BIRC6: variants seen among roughly 807,000 people sequenced by gnomAD.
BIRC6 encodes baculoviral IAP repeat containing 6, also known as dual E2 ubiquitin-conjugating enzyme/E3 ubiquitin-protein ligase BIRC6.
A neutral mutation model predicts 503.3 loss-of-function variants in BIRC6; 98 were observed. That is an observed-to-expected ratio of 0.19 (90% CI 0.17 to 0.23). The LOEUF is 0.23. BIRC6 is among the 10% of genes least tolerant of loss of function. The pLI, the probability that BIRC6 is intolerant of heterozygous loss-of-function variation, is 1.00. For synonymous variants in BIRC6, 2,240 were observed against 2,078.7 expected, an observed-to-expected ratio of 1.08 and a Z score of -2.11; for missense variants, 5,360 against 5,806.0, an observed-to-expected ratio of 0.92 and a Z score of 2.50.
At chr2:32,588,027 C>T (rs1159697668) in intron 66 of BIRC6, among the ~76,000 whole-genome samples, 3 of 152,126 alleles carry the variant, frequency 2.0e-5, no homozygotes, top group Non-Finnish European at 2.9e-5. Context: ...AGTAGGTCAG[C>T]TTTAGCTGTC....
Position 32,468,090 on chromosome 2 carries a change from T to C in BIRC6, c.5759T>C (p.Leu1920Ser). Residue 1920 changes from leucine to serine, a missense_variant, in exon 28 of 74, where the codon TTG becomes TCG. This residue lies in a region of BIRC6 where 2,299 missense variants were observed against 2,267.2 expected (regional missense o/e 1.01). Coordinates refer to ENST00000421745, the MANE Select transcript of BIRC6 (RefSeq NM_016252.4). ...CAGCATTTAGCAATGATGGTTGCTT[T>C]GCAGGAGGATATACAGTGCAGGTTA... is the stretch of plus-strand genomic sequence containing the variant. ...IDQHLAMMVA[L>S]QEDIQCRYNL... The C allele has an allele frequency of 6.2e-7, 1 of 1,613,968 alleles. No homozygotes were observed. Among genetic ancestry groups the C allele is most frequent in the Non-Finnish European group, 8.5e-7 (1 of 1,179,864 alleles).
chr2:32,400,255 T>G, intron 6 of BIRC6, among the ~76,000 whole-genome samples: 1 of 151,998 alleles, frequency 6.6e-6, no homozygotes, highest in East Asian at 1.9e-4. Context: ...GATTTGATCC[T>G]ATAGTGAATA....
At chr2:32,568,114 AAAAC>A (rs944029486) in intron 65 of BIRC6, among the ~76,000 whole-genome samples, 31 of 152,278 alleles carry the variant, frequency 2.0e-4, no homozygotes, top group African/African-American at 6.3e-4. Context: ...TCCGTCTCAA[AAAAC>A]AAACAAACAA....
Position 32,514,932 on chromosome 2 carries a change from A to G in BIRC6, c.10569-58A>G, listed in dbSNP as rs563941871. ...CTTTGAACTATAACAGAAATATTTGAAATAGTTTCTTCTAAAAATATACTT... is the reference window on the plus strand; with the variant it reads ...CTTTGAACTATAACAGAAATATTTGGAATAGTTTCTTCTAAAAATATACTT... On this transcript the variant is annotated intron_variant, in intron 54 of 73. Coordinates refer to ENST00000421745, the MANE Select transcript of BIRC6 (RefSeq NM_016252.4). The G allele has an allele frequency of 2.3e-5, 31 of 1,328,202 alleles. No homozygotes were observed. In the Admixed American group the frequency reaches 2.9e-4, roughly 12 times the overall value. The allele number at this position is 1,328,202 out of a possible 1,614,324, so 82.3% of individuals were successfully genotyped here.
chr2:32,464,025 AAC>A (rs1168924091), intron 24 of BIRC6, among the ~76,000 whole-genome samples: 1 of 152,152 alleles, frequency 6.6e-6, no homozygotes, highest in African/African-American at 2.4e-5. Context: ...TCTGAGGTGG[AAC>A]AGTTTCATCC....
rs1469381045 is a variant in BIRC6, at chr2:32,394,522, G to A, written c.952-989G>A. ...ACTTGCCCTTCTTGTTCAGTTGTAT[G>A]TGATTGAGTATTTAATAATAAACCC... On this transcript the variant is annotated intron_variant, in intron 5 of 73. Transcript: ENST00000421745. Among the ~76,000 whole-genome samples, 4 of 151,996 alleles carry A rather than the reference G, an allele frequency of 2.6e-5. No individual in the cohort carries two copies. In the East Asian group the frequency reaches 7.7e-4, roughly 29 times the overall value.
chr2:32,482,022 G>A (rs1240603743), intron 38 of BIRC6, among the ~76,000 whole-genome samples: 3 of 152,148 alleles, frequency 2.0e-5, no homozygotes, highest in Non-Finnish European at 4.4e-5. Flanking sequence ...CTACATTTAA[G>A]TATACAGAAG....
At chr2:32,494,346 G>C (rs907402148) in intron 45 of BIRC6, among the ~76,000 whole-genome samples, 2 of 151,734 alleles carry the variant, frequency 1.3e-5, no homozygotes, top group African/African-American at 4.8e-5. Flanking sequence ...TCATGCCTCA[G>C]CCTCCCCAGT....
Position 32,377,643 on chromosome 2 carries a change from A to G in BIRC6, c.381A>G (p.Ile127Met). 3 of 1,613,492 alleles carry G rather than the reference A, an allele frequency of 1.9e-6. No homozygotes were observed. The highest frequency in any genetic ancestry group is 2.5e-6 in the Non-Finnish European group (3 of 1,179,700). ...CQYISAVDKV[I>M]FVDDYAVGCR... ...ATATCTCTGCTGTGGATAAAGTTAT[A>G]TTTGTGGATGATTATGCAGTAGGGT... The change falls in exon 2 of 74, where the codon ATA (isoleucine) becomes ATG (methionine). Residue 127 changes from isoleucine to methionine, a missense_variant. Coordinates refer to ENST00000421745, the MANE Select transcript of BIRC6 (RefSeq NM_016252.4).
chr2:32,606,471 T>C (rs936126347), intron 71 of BIRC6, among the ~76,000 whole-genome samples: 1 of 151,808 alleles, frequency 6.6e-6, no homozygotes, highest in African/African-American at 2.4e-5. Flanking sequence ...TGCACGCCTA[T>C]AGTCCTAGCT....
chr2:32,415,496 A>G lies in BIRC6; in HGVS notation c.2205A>G (p.Ser735=), dbSNP rs1251547973. 5 of 1,614,066 alleles carry G rather than the reference A, an allele frequency of 3.1e-6. No individual in the cohort carries two copies. Among genetic ancestry groups the G allele is most frequent in the African/African-American group, 1.3e-5 (1 of 75,074 alleles). The change falls in exon 10 of 74, where the codon TCA becomes TCG. Residue 735 remains serine, a synonymous_variant. Transcript: ENST00000421745. ...FAEEENLCID[S]ITPCADGIHL... is the part of the protein sequence containing the mutation. ...AGGAGGAGAATCTTTGTATAGACTC[A>G]ATAACTCCTTGTGCTGACGGAATTC...
At chr2:32,441,211 T>G in intron 16 of BIRC6, 118 bp from the exon 17 acceptor site, 8 of 763,242 alleles carry the variant, frequency 1.0e-5, no homozygotes, top group Non-Finnish European at 1.6e-5. Context: ...CATTTTAACT[T>G]GAGATTTATA....
chr2:32,578,808 AT>A (rs2060444183), intron 66 of BIRC6, among the ~76,000 whole-genome samples: 1 of 146,734 alleles, frequency 6.8e-6, no homozygotes, highest in Non-Finnish European at 1.5e-5. Flanking sequence ...CAAAAAATAC[AT>A]ACATACATAC....
chr2:32,419,696 T>G (rs982381839), intron 10 of BIRC6, among the ~76,000 whole-genome samples: 6 of 152,130 alleles, frequency 3.9e-5, no homozygotes, highest in African/African-American at 9.7e-5. Flanking sequence ...ATAACAATAC[T>G]GAATATAAAT....
Position 32,363,362 on chromosome 2 carries a change from C to CT in BIRC6, c.325+5882dup, listed in dbSNP as rs1470342960. Among the ~76,000 whole-genome samples the CT allele has an allele frequency of 1.3e-4, 20 of 151,296 alleles. 1 individual carries two copies. In the South Asian group the frequency reaches 1.7e-3, roughly 13 times the overall value. ...AACAAGAAAACCTTGCTTTTTTTTT[C>CT]TTTTTTACTTAAAGCTTTTTTTATA... On this transcript the variant is annotated intron_variant, in intron 1 of 73. Coordinates refer to ENST00000421745, the MANE Select transcript of BIRC6 (RefSeq NM_016252.4).
intron 73 of BIRC6, among the ~76,000 whole-genome samples, chr2:32,616,756 C>T (rs1298068885): frequency 2.0e-5 from 3 of 152,026 alleles, no homozygotes; most frequent in African/African-American, 7.2e-5. Flanking sequence ...CTCTCAAAAA[C>T]GTTTAGCCAG....
chr2:32,387,808 A>G (rs2038694089), intron 3 of BIRC6, among the ~76,000 whole-genome samples: 1 of 152,172 alleles, frequency 6.6e-6, no homozygotes, highest in Non-Finnish European at 1.5e-5. Context: ...ATGACAGATG[A>G]TTTTAGTTGT....
At chr2:32,414,016 G>T (rs1317148605) in intron 9 of BIRC6, among the ~76,000 whole-genome samples, 1 of 152,188 alleles carries the variant, frequency 6.6e-6, no homozygotes, top group East Asian at 1.9e-4. Context: ...TTCCGGCTGG[G>T]CACGGTGGCT....
Position 32,491,497 on chromosome 2 carries a change from A to G in BIRC6, c.8279A>G (p.His2760Arg). 1 of 1,613,520 alleles carries G rather than the reference A, an allele frequency of 6.2e-7. No individual in the cohort carries two copies. Among genetic ancestry groups the G allele is most frequent in the East Asian group, 2.2e-5 (1 of 44,844 alleles). ...HLLVSDPNLI[H>R]VLVKFLSGTS... ...TTGGTTTCAGATCCAAACCTAATTC[A>G]TGTATTAGTGAAATTTCTTTCTGGC... is the stretch of plus-strand genomic sequence containing the variant. Residue 2760 changes from histidine to arginine, a missense_variant, in exon 44 of 74, where the codon CAT becomes CGT. His to Arg is a conservative substitution (Grantham distance 29, BLOSUM62 0). Transcript: ENST00000421745.
Sources: gnomAD v4.1 joint callset for allele counts (sites outside exome capture counted in the v4.1 genomes callset) on GRCh38, gnomAD v4.1.1 for gene constraint, gnomAD v4.1.1 regional missense constraint, MANE v1.5 for transcripts, NCBI Gene and HGNC (gene_info 2026-07-23, HGNC 2026-07-21) for gene names.